Variants in VEZF1 observed in about 807,000 individuals in gnomAD.
The protein encoded by VEZF1 is vascular endothelial zinc finger 1, also known as putative transcription factor DB1.
Under a neutral mutation model 44.1 loss-of-function variants are expected in VEZF1, and 5 were observed. The ratio of observed to expected loss-of-function variants is 0.11; its 90% CI spans 0.06 to 0.24. The LOEUF is 0.24. VEZF1 is among the 10% of genes least tolerant of loss of function. VEZF1 has a pLI of 1.00. For synonymous variants in VEZF1, 236 were observed against 233.1 expected, an observed-to-expected ratio of 1.01 and a Z score of -0.11; for missense variants, 358 against 641.8, an observed-to-expected ratio of 0.56 and a Z score of 4.78.
In VEZF1 at chr17:57,982,458, T is replaced by G. The variant is rs147461094; in HGVS notation, c.728+241A>C. On this transcript the variant is annotated intron_variant, in intron 2 of 5. Transcript: ENST00000581208. The stretch of plus-strand genomic sequence containing the variant: ...AGTATCCATGTGCCAAATGAAAGCC[T>G]GAGTCCACCGAGGCACTTGTTAAGT... Among the ~76,000 whole-genome samples the G allele has an allele frequency of 5.7e-4, 87 of 152,256 alleles. No individual in the cohort carries two copies. The East Asian group carries it at 0.014, about 25-fold the overall frequency.
In VEZF1 at chr17:57,980,708, T is replaced by G; in HGVS notation, c.871A>C (p.Ile291Leu). 1 of 1,614,206 alleles carries G rather than the reference T, an allele frequency of 6.2e-7. No individual in the cohort carries two copies. Among genetic ancestry groups the G allele is most frequent in the Non-Finnish European group, 8.5e-7 (1 of 1,180,030 alleles). Residue 291 changes from isoleucine (I) to leucine (L), a missense_variant, in exon 4 of 6, where the codon ATC (isoleucine) becomes CTC (leucine). Around this residue, in one of 4 missense-constraint regions of VEZF1, gnomAD observed 48 missense variants for 144.9 expected, o/e 0.33. Transcript: ENST00000581208. ...GCTGCACTCAGGAGCTTCCCACAGA[T>G]GTTACATGATACCTTGCCTTCATGG... The part of the protein sequence containing the change: ...VRHEGKVSCN[I>L]CGKLLSAAYI...
chr17:57,977,485 C>G (rs988069608), intron 5 of VEZF1, among the ~76,000 whole-genome samples: 2 of 152,068 alleles, frequency 1.3e-5, no homozygotes, highest in African/African-American at 4.8e-5. Context: ...CAAGCAGCAC[C>G]TGAGGAATGA....
chr17:57,984,699 G>A (rs1422859427), intron 1 of VEZF1, among the ~76,000 whole-genome samples: 1 of 152,142 alleles, frequency 6.6e-6, no homozygotes, highest in Non-Finnish European at 1.5e-5. Flanking sequence ...CACACTCACA[G>A]CTCCTCCTCT....
chr17:57,975,384 G>C (rs2075180159), intron 5 of VEZF1, among the ~76,000 whole-genome samples: 1 of 152,198 alleles, frequency 6.6e-6, no homozygotes. Flanking sequence ...CTTCTCGTAA[G>C]GCACACTGTA....
rs1455615503 is a variant in VEZF1 at position 57,988,218 on chromosome 17, G to A, written c.-107C>T. On this transcript the variant is annotated 5_prime_UTR_variant, in exon 1 of 6. Coordinates refer to ENST00000581208, the MANE Select transcript of VEZF1 (RefSeq NM_007146.3). ...CGGCGGCGGCGGCGGCAACGGCAGCGGCGGCTCCTCAACATGGCAGCGCCG... is the reference window on the plus strand; with the variant it reads ...CGGCGGCGGCGGCGGCAACGGCAGCAGCGGCTCCTCAACATGGCAGCGCCG... 1 of 228,310 alleles carries A rather than the reference G, an allele frequency of 4.4e-6. No individual in the cohort carries two copies. The highest frequency in any genetic ancestry group is 8.3e-6 in the Non-Finnish European group (1 of 120,010). 14.1% of individuals were successfully genotyped at this position (228,310 alleles called of 1,614,324 possible).
chr17:57,976,272 G>A (rs1397444697), intron 5 of VEZF1, among the ~76,000 whole-genome samples: 8 of 152,144 alleles, frequency 5.3e-5, no homozygotes, highest in African/African-American at 1.4e-4. Context: ...TCTTATCACC[G>A]CAGGGGGACC....
chr17:57,982,075 G>C (rs574239547), intron 2 of VEZF1, 139 bp from the exon 3 acceptor site: 3 of 785,636 alleles, frequency 3.8e-6, no homozygotes, highest in African/African-American at 1.7e-5. Flanking sequence ...TCCCTCCCCC[G>C]GTGCAAGTCT....
At chr17:57,984,099 C>CT (rs1195152539) in intron 1 of VEZF1, among the ~76,000 whole-genome samples, 1 of 152,228 alleles carries the variant, frequency 6.6e-6, no homozygotes, top group East Asian at 1.9e-4. Flanking sequence ...AAGTCTGCAT[C>CT]TTTCAGCAAC....
rs763600190 is a variant in VEZF1, at chr17:57,980,613, G to A, written c.966C>T (p.Gly322=). The change falls in exon 4 of 6, where the codon GGC becomes GGT. Residue 322 remains glycine, a synonymous_variant. Coordinates refer to ENST00000581208, the MANE Select transcript of VEZF1 (RefSeq NM_007146.3). ...TGAAGCACCACCTACTTTTACTGAT[G>A]CCTTGTTTACATGTATTACAGTTGA... ...QSINCNTCKQ[G]ISKTCMSEET... The A allele has an allele frequency of 6.2e-7, 1 of 1,612,548 alleles. No homozygotes were observed. The highest frequency in any genetic ancestry group is 1.3e-5 in the African/African-American group (1 of 74,998).
chr17:57,982,021 T>C, intron 2 of VEZF1, 85 bp from the exon 3 acceptor site: 1 of 1,420,784 alleles, frequency 7.0e-7, no homozygotes, highest in Non-Finnish European at 9.9e-7. Context: ...CTTGGCAGAT[T>C]GGGAAGGGGT....
chr17:57,981,966 A>G, intron 2 of VEZF1, 30 bp from the exon 3 acceptor site: 1 of 1,607,646 alleles, frequency 6.2e-7, no homozygotes, highest in South Asian at 1.1e-5. Context: ...AACAGAAGAT[A>G]TAATCGAACA....
chr17:57,977,962 G>C lies in VEZF1; in HGVS notation c.1138+1190C>G, dbSNP rs142884406. The stretch of plus-strand genomic sequence containing the variant: ...TCATGCCTGTAATCCCAGAACTTTA[G>C]GAGTCTGAGGCGGGTGGATCACTTG... On this transcript the variant is annotated intron_variant, in intron 5 of 5. Coordinates refer to ENST00000581208, the MANE Select transcript of VEZF1 (RefSeq NM_007146.3). Among the ~76,000 whole-genome samples, 216 of 152,220 alleles carry C rather than the reference G, an allele frequency of 1.4e-3. 1 individual carries two copies. The highest frequency in any genetic ancestry group is 5.0e-3 in the African/African-American group (206 of 41,546).
intron 3 of VEZF1, among the ~76,000 whole-genome samples, 170 bp from the exon 4 acceptor site, chr17:57,980,956 T>C (rs1177747074): frequency 2.0e-5 from 3 of 152,224 alleles, no homozygotes; most frequent in Non-Finnish European, 4.4e-5. Flanking sequence ...TCTTGATAAA[T>C]TTTAGACTCT....
intron 3 of VEZF1, among the ~76,000 whole-genome samples, chr17:57,981,630 C>T (rs2075250349): frequency 6.6e-6 from 1 of 152,044 alleles, no homozygotes; most frequent in Non-Finnish European, 1.5e-5. Context: ...ACAAAAAATA[C>T]TATTGCCCAA....
intron 4 of VEZF1, among the ~76,000 whole-genome samples, 197 bp from the exon 5 acceptor site, chr17:57,979,510 A>T (rs114103139): frequency 6.6e-6 from 1 of 151,796 alleles, no homozygotes; most frequent in Non-Finnish European, 1.5e-5. Context: ...AGCAAAAATC[A>T]ATATAAAAGA....
At chr17:57,980,825 T>C in intron 3 of VEZF1, 39 bp from the exon 4 acceptor site, 1 of 1,602,142 alleles carries the variant, frequency 6.2e-7, no homozygotes, top group African/African-American at 1.3e-5. Context: ...ATATAGACTA[T>C]CCTGTTCTAC....
chr17:57,987,243 G>C (rs1469479243), intron 1 of VEZF1, among the ~76,000 whole-genome samples: 1 of 152,196 alleles, frequency 6.6e-6, no homozygotes, highest in Admixed American at 6.5e-5. Context: ...TTCGGGAGAA[G>C]GTCGGGCCTC....
Position 57,971,708 on chromosome 17 carries a change from G to C in VEZF1, c.*2765C>G, listed in dbSNP as rs1396283036. ...GAGGGGAACGGATACACAATAAAAA[G>C]CAAACGCAGGCCAAGCAGCGAGCCC... On this transcript the variant is annotated 3_prime_UTR_variant, in exon 6 of 6. Transcript: ENST00000581208. The C allele has an allele frequency of 6.6e-6, 1 of 152,632 alleles. No individual in the cohort carries two copies. Among genetic ancestry groups the C allele is most frequent in the Non-Finnish European group, 1.5e-5 (1 of 68,088 alleles). 9.5% of individuals were successfully genotyped at this position (152,632 alleles called of 1,614,324 possible). A position where few individuals can be genotyped will look rare whatever the true frequency, so the allele number is the denominator to read the frequency against.
chr17:57,987,835 G>A (rs2143390738), intron 1 of VEZF1, among the ~76,000 whole-genome samples: 1 of 152,118 alleles, frequency 6.6e-6, no homozygotes, highest in South Asian at 2.1e-4. Context: ...GTGTGCGTGT[G>A]TGTGCTGGGG....
Sources: allele counts gnomAD v4.1 joint callset (sites outside exome capture counted in the v4.1 genomes callset), GRCh38; gene constraint gnomAD v4.1.1; regional missense constraint gnomAD v4.1.1; transcripts MANE v1.5; gene names NCBI Gene and HGNC (gene_info 2026-07-23, HGNC 2026-07-21).